Variants in SLC13A5 observed in about 807,000 individuals in gnomAD.
SLC13A5 encodes the protein solute carrier family 13 member 5.
A neutral mutation model predicts 56.5 loss-of-function variants in SLC13A5; 25 were observed. The observed-to-expected ratio is 0.44, with a 90% CI of 0.32 to 0.62. The LOEUF (loss-of-function observed/expected upper bound fraction) is 0.62. SLC13A5 is among the 20% of genes least tolerant of loss of function. The probability of loss-of-function intolerance (pLI) is 0.04; values close to 1 mark genes in which losing one functional copy is unlikely to be tolerated. For synonymous variants in SLC13A5, 307 were observed against 301.5 expected, an observed-to-expected ratio of 1.02 and a Z score of -0.19; for missense variants, 649 against 737.8, an observed-to-expected ratio of 0.88 and a Z score of 1.39.
In SLC13A5 at chr17:6,686,068, C is replaced by T; in HGVS notation, c.*139G>A. 3 of 1,225,632 alleles carry T rather than the reference C, an allele frequency of 2.4e-6. No individual in the cohort carries two copies. The highest frequency in any genetic ancestry group is 3.4e-6 in the Non-Finnish European group (3 of 870,430). The allele number at this position is 1,225,632 out of a possible 1,614,324, so 75.9% of individuals were successfully genotyped here. On this transcript the variant is annotated 3_prime_UTR_variant, in exon 12 of 12. Transcript: ENST00000433363. ...TCTGGGCTTGGAGGAAGAGGTGGCC[C>T]ATTGGCTGGGTTTTGGTGGTGTGTG...
At chr17:6,712,514 G>A (rs1030046069) in intron 1 of SLC13A5, among the ~76,000 whole-genome samples, 3 of 152,218 alleles carry the variant, frequency 2.0e-5, no homozygotes, top group Non-Finnish European at 4.4e-5. Flanking sequence ...TCCAGGTCCT[G>A]CCACCCAAGG....
At chr17:6,688,907 C>T (rs1973321785) in intron 10 of SLC13A5, 1 of 152,202 alleles carries the variant, frequency 6.6e-6, no homozygotes, top group Non-Finnish European at 1.5e-5. Flanking sequence ...CATATACCAT[C>T]TGCAATTTTA....
chr17:6,691,753 G>A (rs896377277), intron 9 of SLC13A5, among the ~76,000 whole-genome samples: 4 of 152,116 alleles, frequency 2.6e-5, no homozygotes, highest in African/African-American at 9.7e-5. Context: ...GCCCTGCCCA[G>A]CCCAGGCCCC....
intron 4 of SLC13A5, 36 bp from the exon 5 acceptor site, chr17:6,703,174 A>C (rs1486742226): frequency 3.1e-6 from 5 of 1,610,982 alleles, no homozygotes; most frequent in Non-Finnish European, 4.2e-6. Context: ...TGAGCCAGTC[A>C]TGGGGGCTGC....
rs1466331106 is a variant in SLC13A5 at position 6,692,377 on chromosome 17, C to T, written c.1275+667G>A. Among the ~76,000 whole-genome samples, 2 of 152,118 alleles carry T rather than the reference C, an allele frequency of 1.3e-5. No homozygotes were observed. The highest frequency in any genetic ancestry group is 2.9e-5 in the Non-Finnish European group (2 of 68,014). On this transcript the variant is annotated intron_variant, in intron 9 of 11. Transcript: ENST00000433363. This position sits in a 1 kb window ranked among gnomAD's most constrained non-coding sequence, Gnocchi z 5.5. ...ATGGATTTGTTCACCTCCGCAAAAA[C>T]TTAGCACCCACTAGGCACCAGGCTG...
rs772387151 is a variant in SLC13A5, at chr17:6,703,067, C to G, written c.619G>C (p.Ala207Pro). The G allele has an allele frequency of 6.2e-7, 1 of 1,614,070 alleles. No individual in the cohort carries two copies. The highest frequency in any genetic ancestry group is 2.2e-5 in the East Asian group (1 of 44,898). ...EDQERKRLCK[A>P]MTLCICYAAS... is the part of the protein sequence containing the mutation. ...GCGTAGCAGATGCACAGGGTCATGG[C>G]CTTACACAACCTCTTCCGCTCTTGG... Residue 207 changes from alanine (A) to proline (P), a missense_variant, in exon 5 of 12, where the codon GCC (alanine) becomes CCC (proline). Ala to Pro is a conservative substitution (Grantham distance 27). Coordinates refer to ENST00000433363, the MANE Select transcript of SLC13A5 (RefSeq NM_177550.5).
At chr17:6,709,422 A>T (rs556089561) in intron 1 of SLC13A5, among the ~76,000 whole-genome samples, 3 of 152,062 alleles carry the variant, frequency 2.0e-5, no homozygotes, top group Admixed American at 6.5e-5. Flanking sequence ...GACAAGCGCC[A>T]CCACGCCCGG....
At chr17:6,707,525 G>A (rs1199185760) in intron 1 of SLC13A5, among the ~76,000 whole-genome samples, 1 of 152,118 alleles carries the variant, frequency 6.6e-6, no homozygotes, top group Non-Finnish European at 1.5e-5. Flanking sequence ...GGAGGAGGAG[G>A]GGATAGAAGA....
intron 5 of SLC13A5, among the ~76,000 whole-genome samples, chr17:6,702,550 C>A (rs1051738455): frequency 5.3e-5 from 8 of 152,196 alleles, no homozygotes; most frequent in African/African-American, 1.9e-4. Flanking sequence ...AAAGGGAGTG[C>A]TGGGGAGTCT....
Position 6,703,078 on chromosome 17 carries a change from C to A in SLC13A5, c.608G>T (p.Arg203Met), listed in dbSNP as rs949110880. The change falls in exon 5 of 12, where the codon AGG becomes ATG. Residue 203 changes from arginine to methionine, a missense_variant. Arg to Met is a moderately conservative substitution (Grantham distance 91). Transcript: ENST00000433363. Reference protein sequence around the residue: ...LGQQEDQERKRLCKAMTLCIC... With the variant: ...LGQQEDQERKMLCKAMTLCIC... ...GCACAGGGTCATGGCCTTACACAAC[C>A]TCTTCCGCTCTTGGTCTTCCTGCTG... 2 of 1,614,094 alleles carry A rather than the reference C, an allele frequency of 1.2e-6. No homozygotes were observed. Among genetic ancestry groups the A allele is most frequent in the Admixed American group, 1.7e-5 (1 of 60,014 alleles).
chr17:6,712,715 G>T (rs1974072703), intron 1 of SLC13A5, among the ~76,000 whole-genome samples: 1 of 152,252 alleles, frequency 6.6e-6, no homozygotes, highest in South Asian at 2.1e-4. Flanking sequence ...GGCAAAGACA[G>T]CGCAGGATCC....
In SLC13A5 at chr17:6,711,910, C is replaced by T. The variant is rs565950949; in HGVS notation, c.102+1322G>A. 6.6e-6 allele frequency among the ~76,000 whole-genome samples: 1 copy of T among 152,296 alleles called. No homozygotes were observed. The highest frequency in any genetic ancestry group is 2.1e-4 in the South Asian group (1 of 4,828). ...TGGCTGCCCACAGTTGGTGTGGCAACTGCACAGCCTCCACAGTTGGATCTG... is the reference window on the plus strand; with the variant it reads ...TGGCTGCCCACAGTTGGTGTGGCAATTGCACAGCCTCCACAGTTGGATCTG... On this transcript the variant is annotated intron_variant, in intron 1 of 11. Transcript: ENST00000433363. The surrounding 1 kb of genome is among the most constrained non-coding windows in gnomAD (Gnocchi z 4.0).
intron 1 of SLC13A5, among the ~76,000 whole-genome samples, chr17:6,707,803 C>A (rs1973910915): frequency 1.3e-5 from 2 of 151,104 alleles, no homozygotes; most frequent in South Asian, 2.1e-4. Flanking sequence ...GACTTAGAAG[C>A]AGACAGGGTG....
chr17:6,710,322 C>G (rs1011979446), intron 1 of SLC13A5, among the ~76,000 whole-genome samples: 1 of 152,204 alleles, frequency 6.6e-6, no homozygotes, highest in Non-Finnish European at 1.5e-5. Flanking sequence ...CAATGTCGCT[C>G]ATAAATTACT....
rs533889163 is a variant in SLC13A5 at position 6,703,801 on chromosome 17, G to A, written c.547+77C>T. On this transcript the variant is annotated intron_variant, in intron 4 of 11. Transcript: ENST00000433363. The stretch of plus-strand genomic sequence containing the variant: ...TCCGGGAAGCAGACAGGGAGAAGGA[G>A]GTGGCCAAAGCATTTGCCAGCAGAG... 58 of 1,430,552 alleles carry A rather than the reference G, an allele frequency of 4.1e-5. No homozygotes were observed. In the African/African-American group the frequency reaches 5.2e-4, roughly 13 times the overall value. The allele number at this position is 1,430,552 out of a possible 1,614,324, so 88.6% of individuals were successfully genotyped here.
intron 1 of SLC13A5, among the ~76,000 whole-genome samples, chr17:6,708,786 G>A (rs1271923147): frequency 6.6e-6 from 1 of 152,162 alleles, no homozygotes; most frequent in East Asian, 1.9e-4. Context: ...ATTGCAGAAT[G>A]CACACTGACA....
At chr17:6,712,797 T>C (rs1974075134) in intron 1 of SLC13A5, among the ~76,000 whole-genome samples, 1 of 152,212 alleles carries the variant, frequency 6.6e-6, no homozygotes, top group African/African-American at 2.4e-5. Flanking sequence ...AAGTCTTCTT[T>C]GGCGAAGGGA....
At position 6,703,107 on chromosome 17, in the gene SLC13A5, C is replaced by A; in HGVS notation, c.579G>T (p.Leu193=). 6.2e-7 allele frequency: 1 copy of A among 1,614,184 alleles called. No homozygotes were observed. Among genetic ancestry groups the A allele is most frequent in the Non-Finnish European group, 8.5e-7 (1 of 1,180,042 alleles). ...GSQVIFEGPT[L]GQQEDQERKR... ...TCCGCTCTTGGTCTTCCTGCTGCCC[C>A]AGAGTGGGGCCTTCAAAAATCACTT... The change falls in exon 5 of 12, where the codon CTG becomes CTT. Residue 193 remains leucine (L), a synonymous_variant. Coordinates refer to ENST00000433363, the MANE Select transcript of SLC13A5 (RefSeq NM_177550.5).
intron 7 of SLC13A5, among the ~76,000 whole-genome samples, chr17:6,694,838 C>A (rs528188220): frequency 1.2e-4 from 18 of 152,166 alleles, no homozygotes; most frequent in Non-Finnish European, 2.4e-4. Flanking sequence ...CCTAAGCCGA[C>A]CTTCAAAACG....
Sources: allele counts gnomAD v4.1 joint callset (sites outside exome capture counted in the v4.1 genomes callset), GRCh38; gene constraint gnomAD v4.1.1; non-coding constraint Gnocchi (gnomAD v3.1); transcripts MANE v1.5; gene names NCBI Gene and HGNC (gene_info 2026-07-23, HGNC 2026-07-21).